The following NTM variants were observed in gnomAD, a reference collection of about 807,000 sequenced individuals.
The protein encoded by NTM is neurotrimin, also known as IgLON family member 2.
NTM carries 13 observed loss-of-function variants against 42.1 expected under a neutral mutation model. The ratio of observed to expected loss-of-function variants is 0.31; its 90% confidence interval spans 0.20 to 0.49. The LOEUF is 0.49. Among genes scored for constraint, NTM ranks in the 20% least tolerant of loss-of-function variants. NTM has a pLI of 0.99. For synonymous variants in NTM, 187 were observed against 179.2 expected (o/e 1.04, Z -0.35); for missense variants, 373 against 452.8 (o/e 0.82, Z 1.60).
intron 2 of NTM, among the ~76,000 whole-genome samples, chr11:132,069,888 GT>G (rs1265206848): frequency 1.3e-4 from 18 of 143,962 alleles, no homozygotes; most frequent in Non-Finnish European, 2.4e-4. Flanking sequence ...ACCGTCACAG[GT>G]TAGTTTACAC....
chr11:131,974,460 T>C (rs894298920), intron 2 of NTM, among the ~76,000 whole-genome samples: 12 of 152,236 alleles, frequency 7.9e-5, no homozygotes, highest in Non-Finnish European at 1.5e-4. Context: ...TTTGCATATT[T>C]ATAATCTACA....
intron 1 of NTM, among the ~76,000 whole-genome samples, chr11:131,645,195 A>G (rs1437758253): frequency 6.6e-6 from 1 of 152,250 alleles, no homozygotes; most frequent in African/African-American, 2.4e-5. Context: ...AGAGAAGTAA[A>G]GTAACCACCC....
intron 1 of NTM, among the ~76,000 whole-genome samples, chr11:131,401,965 C>G (rs1196052817): frequency 2.0e-5 from 3 of 149,922 alleles, no homozygotes; most frequent in African/African-American, 7.4e-5. Flanking sequence ...TTAGCCATGT[C>G]TTGCTCAGCC....
At chr11:131,986,602 C>T (rs751157750) in intron 2 of NTM, among the ~76,000 whole-genome samples, 1 of 152,190 alleles carries the variant, frequency 6.6e-6, no homozygotes, top group Non-Finnish European at 1.5e-5. Context: ...ATTGCAGCCC[C>T]TTCTGTCCAG....
intron 4 of NTM, among the ~76,000 whole-genome samples, chr11:132,258,955 T>C (rs2092674394): frequency 6.6e-6 from 1 of 152,216 alleles, no homozygotes; most frequent in Non-Finnish European, 1.5e-5. Flanking sequence ...GGAAGCATCT[T>C]CTGTGTTTAA....
At chr11:131,860,072 G>A (rs80312950) in intron 1 of NTM, among the ~76,000 whole-genome samples, 29 of 152,246 alleles carry the variant, frequency 1.9e-4, no homozygotes, top group Middle Eastern at 3.4e-3. Context: ...GGGATGATGC[G>A]TCTATATCGG....
chr11:132,248,298 T>C (rs952809898), intron 4 of NTM, among the ~76,000 whole-genome samples: 16 of 152,212 alleles, frequency 1.1e-4, no homozygotes, highest in African/African-American at 3.6e-4. Context: ...CATAAAACAA[T>C]GGCAATTTTT....
chr11:131,516,891 A>G (rs1055229066), intron 1 of NTM, among the ~76,000 whole-genome samples: 1 of 152,222 alleles, frequency 6.6e-6, no homozygotes, highest in African/African-American at 2.4e-5. Flanking sequence ...TGGTTTCCAC[A>G]GTAGATATAG....
At chr11:132,313,391 A>G (rs1177049844) in intron 6 of NTM, among the ~76,000 whole-genome samples, 1 of 152,042 alleles carries the variant, frequency 6.6e-6, no homozygotes, top group Non-Finnish European at 1.5e-5. Context: ...TGCTTGCTAC[A>G]AGCTGTGCTC....
intron 2 of NTM, among the ~76,000 whole-genome samples, chr11:132,134,743 A>ATC (rs1566259923): frequency 3.2e-4 from 28 of 87,594 alleles, no homozygotes; most frequent in African/African-American, 4.9e-4. Context: ...ATATATATAT[A>ATC]TATATATATA....
intron 2 of NTM, among the ~76,000 whole-genome samples, chr11:131,980,362 T>C (rs1283725543): frequency 1.3e-5 from 2 of 152,216 alleles, no homozygotes; most frequent in East Asian, 3.8e-4. Flanking sequence ...TGGTTGTGAT[T>C]ATCCCATTGG....
chr11:131,647,876 T>G (rs1204998046), intron 1 of NTM, among the ~76,000 whole-genome samples: 1 of 152,200 alleles, frequency 6.6e-6, no homozygotes, highest in Non-Finnish European at 1.5e-5. Context: ...TGTTTTGGGT[T>G]AAGGGGTACA....
chr11:132,254,646 A>G (rs1359723555), intron 4 of NTM, among the ~76,000 whole-genome samples: 2 of 151,320 alleles, frequency 1.3e-5, no homozygotes, highest in Admixed American at 1.3e-4. Context: ...TCTCTCTCCC[A>G]CTTCTATAAA....
At chr11:131,578,483 G>C (rs1412128779) in intron 1 of NTM, among the ~76,000 whole-genome samples, 1 of 152,136 alleles carries the variant, frequency 6.6e-6, no homozygotes, top group African/African-American at 2.4e-5. Context: ...AGTGGGGTGG[G>C]TCAGAGTGGG....
chr11:131,403,630 A>G (rs1465629542), intron 1 of NTM, among the ~76,000 whole-genome samples: 1 of 152,168 alleles, frequency 6.6e-6, no homozygotes, highest in Non-Finnish European at 1.5e-5. Context: ...GAATCCCACT[A>G]TGCACTCTTA....
chr11:132,208,821 T>A (rs2082380654), intron 3 of NTM, among the ~76,000 whole-genome samples: 1 of 152,226 alleles, frequency 6.6e-6, no homozygotes. Context: ...CATTTTTTAT[T>A]TTATTGCATG....
At chr11:132,253,304 C>T (rs1783504262) in intron 4 of NTM, among the ~76,000 whole-genome samples, 1 of 152,146 alleles carries the variant, frequency 6.6e-6, no homozygotes, top group Admixed American at 6.5e-5. Flanking sequence ...AGCATTACCC[C>T]ATTTCTTCTA....
chr11:131,892,891 T>C (rs1052529378), intron 1 of NTM, among the ~76,000 whole-genome samples: 1 of 152,220 alleles, frequency 6.6e-6, no homozygotes, highest in African/African-American at 2.4e-5. Context: ...CAGAAAACTC[T>C]TCTCCTGCAG....
chr11:131,376,306 C>CT (rs999660338), intron 1 of NTM, among the ~76,000 whole-genome samples: 4 of 152,232 alleles, frequency 2.6e-5, no homozygotes, highest in Non-Finnish European at 4.4e-5. Flanking sequence ...CTATTTCCTG[C>CT]TTTTTTTCTC....
Sources: gnomAD v4.1 joint callset for allele counts (sites outside exome capture counted in the v4.1 genomes callset) on GRCh38, gnomAD v4.1.1 for gene constraint, MANE v1.5 for transcripts, NCBI Gene and HGNC (gene_info 2026-07-23, HGNC 2026-07-21) for gene names.